The following APOBEC3G variants were observed in gnomAD, a reference collection of about 807,000 sequenced individuals.
The protein encoded by APOBEC3G is apolipoprotein B mRNA editing enzyme catalytic subunit 3G.
A neutral mutation model predicts 50.0 loss-of-function variants in APOBEC3G; 44 were observed. The ratio of observed to expected loss-of-function variants is 0.88; its 90% CI spans 0.69 to 1.13. The LOEUF is 1.13. Among genes scored for constraint, APOBEC3G ranks in the 50% most tolerant of loss-of-function variants. APOBEC3G has a pLI of 0.00. For missense variants in APOBEC3G, 469 were observed against 492.0 expected (o/e 0.95, Z 0.44); for synonymous variants, 156 against 175.3 (o/e 0.89, Z 0.87).
chr22:39,078,880 G>T (rs1220701889), intron 1 of APOBEC3G, 52 bp from the exon 2 acceptor site: 1 of 1,605,968 alleles, frequency 6.2e-7, no homozygotes, highest in Admixed American at 1.7e-5. Context: ...TCAGCCCGGA[G>T]GGCCCCCAGG....
chr22:39,087,608 AATTT>A lies in APOBEC3G; in HGVS notation c.*194_*197del. The A allele has an allele frequency of 8.6e-7, 1 of 1,163,158 alleles. No homozygotes were observed. The allele number at this position is 1,163,158 out of a possible 1,614,324, so 72.1% of individuals were successfully genotyped here. ...TTAGAGTGCATTACTTTGAATCAAAAATTTATTTATATTTCAAGAATAAAGTACT... is the reference window on the plus strand; with the variant it reads ...TTAGAGTGCATTACTTTGAATCAAAAATTTATATTTCAAGAATAAAGTACT... On this transcript the variant is annotated 3_prime_UTR_variant, in exon 8 of 8. Transcript: ENST00000407997.
At chr22:39,080,031 C>T (rs559006284) in intron 2 of APOBEC3G, 85 of 161,496 alleles carry the variant, frequency 5.3e-4, no homozygotes, top group Non-Finnish European at 6.8e-4. Context: ...GCAACAAGAG[C>T]GAAACTCCAT....
chr22:39,087,044 A>G lies in APOBEC3G; in HGVS notation c.1058A>G (p.His353Arg). 1 of 1,612,894 alleles carries G rather than the reference A, an allele frequency of 6.2e-7. No individual in the cohort carries two copies. The highest frequency in any genetic ancestry group is 8.5e-7 in the Non-Finnish European group (1 of 1,179,552). The change falls in exon 7 of 8, where the codon CAC becomes CGC. Residue 353 changes from histidine (H) to arginine (R), a missense_variant. By Grantham distance (29) the His-to-Arg change is conservative (BLOSUM62 0). Transcript: ENST00000407997. ...FKHCWDTFVD[H>R]QGCPFQPWDG... ...CACTGCTGGGACACCTTTGTGGACC[A>G]CCAGGGATGTCCCTTCCAGCCCTGG... is the stretch of plus-strand genomic sequence containing the variant.
At chr22:39,087,210 AG>A in intron 7 of APOBEC3G, 84 bp downstream of exon 7, 1 of 1,603,680 alleles carries the variant, frequency 6.2e-7, no homozygotes. Flanking sequence ...CCCTCTGCTC[AG>A]AGCCTCCTCT....
At chr22:39,085,134 A>G (rs769579217) in intron 5 of APOBEC3G, among the ~76,000 whole-genome samples, 5 of 152,134 alleles carry the variant, frequency 3.3e-5, no homozygotes, top group Non-Finnish European at 7.4e-5. Context: ...GGGCTTGACT[A>G]GTTCCCAGTC....
chr22:39,081,625 A>C, intron 4 of APOBEC3G, 40 bp downstream of exon 4: 1 of 1,518,782 alleles, frequency 6.6e-7, no homozygotes, highest in Non-Finnish European at 9.1e-7. Context: ...CGCTCCTCTC[A>C]CCTCCTGCTC....
chr22:39,086,631 C>A, intron 6 of APOBEC3G, 64 bp downstream of exon 6: 1 of 1,525,750 alleles, frequency 6.6e-7, no homozygotes, highest in South Asian at 1.3e-5. Flanking sequence ...CGGGAAGTTA[C>A]TAGAAAGTGG....
Position 39,086,477 on chromosome 22 carries a change from G to T in APOBEC3G, c.934G>T (p.Ala312Ser). ...ACACGTGAGCCTGTGCATCTTCACT[G>T]CCCGCATCTATGATGATCAAGGAAG... ...NKHVSLCIFT[A>S]RIYDDQGRCQ... The change falls in exon 6 of 8, where the codon GCC becomes TCC. Residue 312 changes from alanine to serine, a missense_variant. By Grantham distance (99) the Ala-to-Ser change is moderately conservative. Coordinates refer to ENST00000407997, the MANE Select transcript of APOBEC3G (RefSeq NM_021822.4). 1 of 1,614,180 alleles carries T rather than the reference G, an allele frequency of 6.2e-7. No homozygotes were observed. The highest frequency in any genetic ancestry group is 8.5e-7 in the Non-Finnish European group (1 of 1,180,032).
At chr22:39,085,247 A>T (rs945163160) in intron 5 of APOBEC3G, among the ~76,000 whole-genome samples, 2 of 152,280 alleles carry the variant, frequency 1.3e-5, no homozygotes, top group African/African-American at 2.4e-5. Flanking sequence ...GGGGCCCCTC[A>T]TCCCCACTTC....
chr22:39,082,174 G>A (rs928153131), intron 4 of APOBEC3G: 2 of 155,388 alleles, frequency 1.3e-5, no homozygotes, highest in African/African-American at 4.8e-5. Flanking sequence ...GGCTGGCAGG[G>A]GGTCCCTTCC....
intron 4 of APOBEC3G, 61 bp from the exon 5 acceptor site, chr22:39,083,670 G>C (rs1400229664): frequency 8.9e-6 from 14 of 1,568,902 alleles, no homozygotes; most frequent in Non-Finnish European, 2.6e-6. Flanking sequence ...TGGAGAGGGA[G>C]GGGGAGGTGG....
At chr22:39,084,788 A>G (rs556020488) in intron 5 of APOBEC3G, among the ~76,000 whole-genome samples, 3 of 152,224 alleles carry the variant, frequency 2.0e-5, no homozygotes, top group Non-Finnish European at 1.5e-5. Flanking sequence ...GGATGCAGGG[A>G]TGGCCAGCAT....
chr22:39,080,426 C>G (rs1928383414), intron 2 of APOBEC3G: 1 of 177,848 alleles, frequency 5.6e-6, no homozygotes, highest in African/African-American at 2.4e-5. Context: ...GAGTTCTGGA[C>G]TCTGGGAAGT....
intron 3 of APOBEC3G, 69 bp from the exon 4 acceptor site, chr22:39,081,402 G>C (rs1928447480): frequency 6.5e-7 from 1 of 1,548,474 alleles, no homozygotes; most frequent in African/African-American, 1.4e-5. Flanking sequence ...ATGTCTGGGA[G>C]GGGAGGGTCC....
chr22:39,080,231 A>G (rs1928373187), intron 2 of APOBEC3G: 13 of 793,828 alleles, frequency 1.6e-5, no homozygotes, highest in Non-Finnish European at 1.9e-5. Flanking sequence ...AGGCCACAGT[A>G]GGGGCTGAGG....
chr22:39,079,614 C>A (rs1305502968), intron 2 of APOBEC3G: 1 of 152,252 alleles, frequency 6.6e-6, no homozygotes, highest in Non-Finnish European at 1.5e-5. Flanking sequence ...TGAGCCACAG[C>A]GCCGGCCTAA....
intron 5 of APOBEC3G, among the ~76,000 whole-genome samples, chr22:39,085,929 T>C (rs142315464): frequency 3.3e-5 from 5 of 152,260 alleles, no homozygotes; most frequent in Admixed American, 3.3e-4. Context: ...TCTTGATAAC[T>C]GGGGTTTGGT....
chr22:39,084,986 G>C (rs1928630914), intron 5 of APOBEC3G, among the ~76,000 whole-genome samples: 1 of 152,172 alleles, frequency 6.6e-6, no homozygotes, highest in Non-Finnish European at 1.5e-5. Context: ...ACACTGCTTG[G>C]AAGCTACTTT....
At position 39,082,874 on chromosome 22, in the gene APOBEC3G, C is replaced by G. The variant is rs1928533613; in HGVS notation, c.582-857C>G. ...ATGTTCCTGTGTGCTTCACCCACCCCATTCCTTCTGCACCCAACACTCCTG... is the reference window on the plus strand; with the variant it reads ...ATGTTCCTGTGTGCTTCACCCACCCGATTCCTTCTGCACCCAACACTCCTG... On this transcript the variant is annotated intron_variant, in intron 4 of 7. Transcript: ENST00000407997. 1.3e-5 allele frequency: 2 copies of G among 152,494 alleles called. 1 individual carries two copies. The highest frequency in any genetic ancestry group is 4.1e-4 in the South Asian group (2 of 4,842). The allele number at this position is 152,494 out of a possible 1,614,324, so 9.4% of individuals were successfully genotyped here.
Sources: allele counts gnomAD v4.1 joint callset (sites outside exome capture counted in the v4.1 genomes callset), GRCh38; gene constraint gnomAD v4.1.1; transcripts MANE v1.5; gene names NCBI Gene and HGNC (gene_info 2026-07-23, HGNC 2026-07-21).